Variants in PLEK observed in about 807,000 individuals in gnomAD.
The protein encoded by PLEK is platelet 47 kDa protein.
PLEK carries 25 observed loss-of-function variants against 43.9 expected under a neutral mutation model. The ratio of observed to expected loss-of-function variants is 0.57; its 90% confidence interval spans 0.41 to 0.79. PLEK has a LOEUF of 0.79. Among genes scored for constraint, PLEK ranks in the 30% least tolerant of loss-of-function variants. The pLI, the probability that PLEK is intolerant of heterozygous loss-of-function variation, is 0.00. For synonymous variants in PLEK, 152 were observed against 144.4 expected (o/e 1.05, Z -0.38); for missense variants, 396 against 413.3 (o/e 0.96, Z 0.36).
At chr2:68,387,106 A>G (rs989644084) in intron 5 of PLEK, among the ~76,000 whole-genome samples, 2 of 152,116 alleles carry the variant, frequency 1.3e-5, no homozygotes, top group South Asian at 4.1e-4. Context: ...CCCGGGTTCA[A>G]GCGATTTTCC....
At position 68,384,577 on chromosome 2, in the gene PLEK, G is replaced by C. The variant is rs75332117; in HGVS notation, c.473-1925G>C. On this transcript the variant is annotated intron_variant, in intron 4 of 8. Coordinates refer to ENST00000234313, the MANE Select transcript of PLEK (RefSeq NM_002664.3). ...AGGGTGGGTTTTGGACATTTCTATG[G>C]GTAGAGCCTTCATGGGGGAGTCAGG... Among the ~76,000 whole-genome samples the C allele has an allele frequency of 1.6e-4, 24 of 152,220 alleles. No homozygotes were observed. In the East Asian group the frequency reaches 4.6e-3, roughly 29 times the overall value.
rs185881543 is a variant in PLEK, at chr2:68,384,315, C to T, written c.472+1682C>T. On this transcript the variant is annotated intron_variant, in intron 4 of 8. Transcript: ENST00000234313. ...CAGGCTCACTGCAACCTCTGCCGCC[C>T]GGGTTCAAGCGTGATTCTCGTGCCT... is the stretch of plus-strand genomic sequence containing the variant. 3.3e-5 allele frequency among the ~76,000 whole-genome samples: 5 copies of T among 152,178 alleles called. No homozygotes were observed. The East Asian group carries it at 7.7e-4, about 23-fold the overall frequency.
At chr2:68,377,333 G>A (rs1012193067) in intron 1 of PLEK, among the ~76,000 whole-genome samples, 3 of 152,070 alleles carry the variant, frequency 2.0e-5, no homozygotes, top group Non-Finnish European at 4.4e-5. Flanking sequence ...TTAGTTTTTT[G>A]AGGAACCTCC....
intron 5 of PLEK, chr2:68,388,146 A>G: frequency 2.4e-6 from 1 of 414,174 alleles, no homozygotes; most frequent in Non-Finnish European, 4.4e-6. Context: ...CCAGAATAAA[A>G]GGATATTGAC....
intron 1 of PLEK, 66 bp from the exon 2 acceptor site, chr2:68,380,262 T>C (rs1319981361): frequency 5.3e-6 from 7 of 1,315,198 alleles, no homozygotes; most frequent in Non-Finnish European, 7.4e-6. Flanking sequence ...GAATCTTTCC[T>C]GTTAGGAGGA....
chr2:68,366,565 A>T (rs1388239660), intron 1 of PLEK, among the ~76,000 whole-genome samples: 2 of 152,190 alleles, frequency 1.3e-5, no homozygotes, highest in African/African-American at 4.8e-5. Flanking sequence ...GCATTTTCTT[A>T]AAGCAGATTT....
At chr2:68,369,760 C>G (rs772350696) in intron 1 of PLEK, among the ~76,000 whole-genome samples, 20 of 152,038 alleles carry the variant, frequency 1.3e-4, no homozygotes, top group Non-Finnish European at 2.8e-4. Flanking sequence ...AATAAGTTAC[C>G]TAAGGTTACA....
chr2:68,395,180 C>CAT (rs892222304), intron 8 of PLEK, among the ~76,000 whole-genome samples: 20 of 149,776 alleles, frequency 1.3e-4, no homozygotes, highest in East Asian at 3.9e-4. Context: ...TGTATATAAA[C>CAT]ATATATATAT....
intron 8 of PLEK, among the ~76,000 whole-genome samples, chr2:68,395,210 TTATAAA>T: frequency 6.7e-6 from 1 of 149,976 alleles, no homozygotes; most frequent in Non-Finnish European, 1.5e-5. Flanking sequence ...CACATCTGTA[TTATAAA>T]TATAAATATA....
intron 1 of PLEK, among the ~76,000 whole-genome samples, chr2:68,368,239 TCA>T (rs1673321199): frequency 6.6e-6 from 1 of 152,226 alleles, no homozygotes; most frequent in South Asian, 2.1e-4. Context: ...TCTCTTTGCC[TCA>T]GAGTCTTTCA....
chr2:68,389,355 G>T (rs141545570), intron 6 of PLEK, among the ~76,000 whole-genome samples: 25 of 152,350 alleles, frequency 1.6e-4, no homozygotes, highest in Admixed American at 5.2e-4. Context: ...TAAAAGTGCT[G>T]CTCAGTATAT....
intron 6 of PLEK, among the ~76,000 whole-genome samples, chr2:68,389,784 G>A (rs1257079302): frequency 6.6e-6 from 1 of 152,028 alleles, no homozygotes; most frequent in Non-Finnish European, 1.5e-5. Context: ...TGCCGGGAAG[G>A]CTCGGGCAGT....
intron 2 of PLEK, 41 bp from the exon 3 acceptor site, chr2:68,380,682 T>C: frequency 6.3e-7 from 1 of 1,596,240 alleles, no homozygotes; most frequent in Non-Finnish European, 8.5e-7. Flanking sequence ...CCCAAGCCCT[T>C]GAAATAAGCC....
At chr2:68,383,374 G>C (rs1673668973) in intron 4 of PLEK, among the ~76,000 whole-genome samples, 1 of 152,156 alleles carries the variant, frequency 6.6e-6, no homozygotes, top group South Asian at 2.1e-4. Context: ...AGAACTCAGG[G>C]GTTGATGGGA....
Position 68,397,192 on chromosome 2 carries a change from A to G in PLEK, c.*1376A>G, listed in dbSNP as rs1390757855. On this transcript the variant is annotated 3_prime_UTR_variant, in exon 9 of 9. Coordinates refer to ENST00000234313, the MANE Select transcript of PLEK (RefSeq NM_002664.3). ...TTTTAATTTTAAGGCTCCAGGAAAGAAAGGAGAGTAGAACATTTTTCCTCA... is the reference window on the plus strand; with the variant it reads ...TTTTAATTTTAAGGCTCCAGGAAAGGAAGGAGAGTAGAACATTTTTCCTCA... The G allele has an allele frequency of 6.6e-6, 1 of 152,182 alleles. No homozygotes were observed. Among genetic ancestry groups the G allele is most frequent in the Non-Finnish European group, 1.5e-5 (1 of 68,038 alleles). 9.4% of individuals were successfully genotyped at this position (152,182 alleles called of 1,614,324 possible). A position where few individuals can be genotyped will look rare whatever the true frequency, so the allele number is the denominator to read the frequency against.
At chr2:68,385,710 G>A (rs1033274103) in intron 4 of PLEK, among the ~76,000 whole-genome samples, 7 of 152,074 alleles carry the variant, frequency 4.6e-5, no homozygotes, top group African/African-American at 9.7e-5. Flanking sequence ...CTTGGCAAAC[G>A]CCTACTCATA....
chr2:68,388,920 G>A (rs879031139), intron 6 of PLEK, among the ~76,000 whole-genome samples: 4 of 152,122 alleles, frequency 2.6e-5, no homozygotes, highest in Non-Finnish European at 5.9e-5. Context: ...ACCACTGAGA[G>A]CAAAGAAGAG....
chr2:68,366,282 T>C (rs1391298461), intron 1 of PLEK, among the ~76,000 whole-genome samples: 1 of 152,238 alleles, frequency 6.6e-6, no homozygotes, highest in Non-Finnish European at 1.5e-5. Flanking sequence ...TGTGAGTCTG[T>C]TTTAGGCTAC....
In PLEK at chr2:68,396,519, C is replaced by G. The variant is rs1290528616; in HGVS notation, c.*703C>G. 2.6e-5 allele frequency: 4 copies of G among 151,846 alleles called. No homozygotes were observed. Among genetic ancestry groups the G allele is most frequent in the Non-Finnish European group, 5.9e-5 (4 of 68,042 alleles). 9.4% of individuals were successfully genotyped at this position (151,846 alleles called of 1,614,324 possible). On this transcript the variant is annotated 3_prime_UTR_variant, in exon 9 of 9. Coordinates refer to ENST00000234313, the MANE Select transcript of PLEK (RefSeq NM_002664.3). ...AAGTTGTGTCTTCTGGGAAAGAGACCTGGGGAGGCCAGGAGTAGCTGAGGG... is the reference window on the plus strand; with the variant it reads ...AAGTTGTGTCTTCTGGGAAAGAGACGTGGGGAGGCCAGGAGTAGCTGAGGG...
Sources: allele counts gnomAD v4.1 joint callset (sites outside exome capture counted in the v4.1 genomes callset), GRCh38; gene constraint gnomAD v4.1.1; transcripts MANE v1.5; gene names NCBI Gene and HGNC (gene_info 2026-07-23, HGNC 2026-07-21).